FBXL5: variants seen among roughly 807,000 people sequenced by gnomAD.
The protein encoded by FBXL5 is F-box and leucine rich repeat protein 5, also known as F-box/LRR-repeat protein 5.
Under a neutral mutation model 78.3 loss-of-function variants are expected in FBXL5, and 26 were observed. The ratio of observed to expected loss-of-function variants is 0.33; its 90% CI spans 0.24 to 0.46. FBXL5 has a LOEUF of 0.46. Among genes scored for constraint, FBXL5 ranks in the 20% least tolerant of loss-of-function variants. The probability of loss-of-function intolerance (pLI) is 1.00; values close to 1 mark genes in which losing one functional copy is unlikely to be tolerated. For missense variants in FBXL5, 710 were observed against 829.2 expected (o/e 0.86, Z 1.77); for synonymous variants, 295 against 282.5 (o/e 1.04, Z -0.45).
At chr4:15,645,880 T>C (rs1715301197) in intron 1 of FBXL5, among the ~76,000 whole-genome samples, 1 of 152,222 alleles carries the variant, frequency 6.6e-6, no homozygotes, top group Non-Finnish European at 1.5e-5. Context: ...TTTTACTCTA[T>C]ACAAATATTT....
Position 15,638,515 on chromosome 4 carries a change from T to G in FBXL5, c.576A>C (p.Ser192=). ...KFFKYSVDEK[S]DKEAEVSEHS... is the part of the protein sequence containing the mutation. ...TATATATATGAATCTCACCTTTATC[T>G]GACTTTTCATCCACGGAATATTTAA... The change falls in exon 4 of 11, where the codon TCA becomes TCC. Residue 192 remains serine (S), a synonymous_variant. Transcript: ENST00000341285. The G allele has an allele frequency of 3.1e-6, 5 of 1,590,568 alleles. No individual in the cohort carries two copies. Among genetic ancestry groups the G allele is most frequent in the Non-Finnish European group, 4.3e-6 (5 of 1,173,254 alleles).
Position 15,625,459 on chromosome 4 carries a change from T to C in FBXL5, c.1643A>G (p.His548Arg), listed in dbSNP as rs1276507813. Residue 548 changes from histidine (H) to arginine (R), a missense_variant, in exon 9 of 11, where the codon CAC becomes CGC. By Grantham distance (29) the His-to-Arg change is conservative (BLOSUM62 0). Coordinates refer to ENST00000341285, the MANE Select transcript of FBXL5 (RefSeq NM_012161.4). Reference protein sequence around the residue: ...CASPAFAYCGHSFCCTGTALR... With the variant: ...CASPAFAYCGRSFCCTGTALR... ...AGCTGTTCCTGTACAACAAAATGAG[T>C]GACCACAATACGCAAAGGCTGGAGA... The C allele has an allele frequency of 6.2e-7, 1 of 1,613,956 alleles. No individual in the cohort carries two copies.
intron 3 of FBXL5, among the ~76,000 whole-genome samples, chr4:15,640,295 C>T (rs528098779): frequency 1.4e-4 from 21 of 150,952 alleles, no homozygotes; most frequent in Non-Finnish European, 2.8e-4. Flanking sequence ...TCTGTCCTGC[C>T]TCAGCTTCCC....
chr4:15,604,917 G>C lies in FBXL5; in HGVS notation c.*806C>G, dbSNP rs1336699375. The C allele has an allele frequency of 6.6e-6, 1 of 152,152 alleles. No individual in the cohort carries two copies. The highest frequency in any genetic ancestry group is 1.5e-5 in the Non-Finnish European group (1 of 68,018). 9.4% of individuals were successfully genotyped at this position (152,152 alleles called of 1,614,324 possible). ...CTATTTGTCAGGGTAATAAGTTCATGGGAGGTCCAAAGACAAAGTATGTAG... is the reference window on the plus strand; with the variant it reads ...CTATTTGTCAGGGTAATAAGTTCATCGGAGGTCCAAAGACAAAGTATGTAG... On this transcript the variant is annotated 3_prime_UTR_variant, in exon 11 of 11. Coordinates refer to ENST00000341285, the MANE Select transcript of FBXL5 (RefSeq NM_012161.4).
intron 4 of FBXL5, among the ~76,000 whole-genome samples, chr4:15,637,517 C>T (rs1714407566): frequency 6.6e-6 from 1 of 152,148 alleles, no homozygotes; most frequent in African/African-American, 2.4e-5. Context: ...ATTCTTTAAA[C>T]TACCACTTTT....
chr4:15,612,468 T>C, intron 9 of FBXL5, 54 bp from the exon 10 acceptor site: 4 of 1,503,002 alleles, frequency 2.7e-6, no homozygotes, highest in East Asian at 2.4e-5. Context: ...AAAATGTTTG[T>C]ATTCCTATGG....
At chr4:15,643,254 TTTTC>T (rs879273794) in intron 2 of FBXL5, among the ~76,000 whole-genome samples, 2 of 152,204 alleles carry the variant, frequency 1.3e-5, no homozygotes, top group Non-Finnish European at 2.9e-5. Context: ...TCCTTTAGTC[TTTTC>T]TTTATCTTTA....
chr4:15,638,797 A>AT (rs1714535476), intron 3 of FBXL5, 103 bp from the exon 4 acceptor site: 1 of 676,440 alleles, frequency 1.5e-6, no homozygotes, highest in East Asian at 3.1e-5. Context: ...TTATGACCAT[A>AT]TATCTCAAAA....
In FBXL5 at chr4:15,625,737, A is replaced by T. The variant is rs769035260; in HGVS notation, c.1365T>A (p.Ile455=). The T allele has an allele frequency of 2.5e-6, 4 of 1,614,200 alleles. No homozygotes were observed. The South Asian group carries it at 4.4e-5, about 18-fold the overall frequency. Residue 455 remains isoleucine, a synonymous_variant, in exon 9 of 11, where the codon ATT becomes ATA. Coordinates refer to ENST00000341285, the MANE Select transcript of FBXL5 (RefSeq NM_012161.4). ...ACLHDLTNKG[I]GEEIDNEHPW... is the part of the protein sequence containing the mutation. The stretch of plus-strand genomic sequence containing the variant: ...GGTGTTCATTATCTATTTCTTCTCC[A>T]ATGCCCTTGTTAGTTAAATCGTGCA...
At chr4:15,661,955 G>A (rs1717331421), upstream of FBXL5, among the ~76,000 whole-genome samples, 1 of 152,134 alleles carries the variant, frequency 6.6e-6, no homozygotes, top group African/African-American at 2.4e-5. Flanking sequence ...CTCACCACAT[G>A]GTACTCTCTA....
intron 10 of FBXL5, among the ~76,000 whole-genome samples, chr4:15,608,172 A>T (rs1457477306): frequency 6.6e-6 from 1 of 152,186 alleles, no homozygotes; most frequent in South Asian, 2.1e-4. Flanking sequence ...TATTATGCTA[A>T]ATTTCAACAG....
chr4:15,638,733 T>G, intron 3 of FBXL5, 39 bp from the exon 4 acceptor site: 1 of 1,290,074 alleles, frequency 7.8e-7, no homozygotes, highest in South Asian at 1.3e-5. Context: ...AGATGCTTCA[T>G]TCGTGTTGAT....
intron 10 of FBXL5, among the ~76,000 whole-genome samples, chr4:15,608,949 A>C (rs1722061810): frequency 6.6e-6 from 1 of 152,190 alleles, no homozygotes; most frequent in Non-Finnish European, 1.5e-5. Context: ...CACCTTCCAA[A>C]GCATGGAAAG....
intron 9 of FBXL5, among the ~76,000 whole-genome samples, chr4:15,616,368 C>T (rs1054349902): frequency 3.8e-5 from 4 of 106,234 alleles, no homozygotes; most frequent in Non-Finnish European, 8.2e-5. Context: ...TCCCACACAG[C>T]CCAAAAGGCA....
chr4:15,604,587 C>G lies in FBXL5; in HGVS notation c.*1136G>C, dbSNP rs1018267096. On this transcript the variant is annotated 3_prime_UTR_variant, in exon 11 of 11. Transcript: ENST00000341285. ...ACATGGCACCAATAGACTGGCTCAACGCAGAGTTGCCATAAACCTTCCATT... is the reference window on the plus strand; with the variant it reads ...ACATGGCACCAATAGACTGGCTCAAGGCAGAGTTGCCATAAACCTTCCATT... The G allele has an allele frequency of 3.9e-5, 6 of 152,166 alleles. No homozygotes were observed. Among genetic ancestry groups the G allele is most frequent in the Non-Finnish European group, 8.8e-5 (6 of 68,026 alleles). 9.4% of individuals were successfully genotyped at this position (152,166 alleles called of 1,614,324 possible). A position where few individuals can be genotyped will look rare whatever the true frequency, so the allele number is the denominator to read the frequency against.
chr4:15,664,657 A>C (rs1430797718), upstream of FBXL5, among the ~76,000 whole-genome samples: 1 of 145,528 alleles, frequency 6.9e-6, no homozygotes, highest in Non-Finnish European at 1.5e-5. Context: ...TCCCGGGTTC[A>C]AGCAATTCTC....
chr4:15,626,666 A>G, intron 8 of FBXL5, among the ~76,000 whole-genome samples: 1 of 152,240 alleles, frequency 6.6e-6, no homozygotes, highest in East Asian at 1.9e-4. Context: ...ATAGGACTAC[A>G]GAGATTGCAA....
chr4:15,633,978 A>G (rs1170073334), intron 5 of FBXL5, among the ~76,000 whole-genome samples: 2 of 152,128 alleles, frequency 1.3e-5, no homozygotes, highest in African/African-American at 4.8e-5. Context: ...GGGCTGGGTA[A>G]CTGTTTTTGG....
chr4:15,632,919 C>G (rs924904714), intron 5 of FBXL5, among the ~76,000 whole-genome samples: 42 of 152,146 alleles, frequency 2.8e-4, no homozygotes, highest in African/African-American at 9.2e-4. Context: ...CCTGATTGCC[C>G]TGGCCAGAAC....
Sources: allele counts gnomAD v4.1 joint callset (sites outside exome capture counted in the v4.1 genomes callset), GRCh38; gene constraint gnomAD v4.1.1; transcripts MANE v1.5; gene names NCBI Gene and HGNC (gene_info 2026-07-23, HGNC 2026-07-21).